The following CA4 variants were observed in gnomAD, a reference collection of about 807,000 sequenced individuals.
CA4 encodes the protein CA-IV.
A neutral mutation model predicts 34.5 loss-of-function variants in CA4; 24 were observed. The observed-to-expected ratio is 0.70, with a 90% confidence interval of 0.50 to 0.98. The LOEUF (loss-of-function observed/expected upper bound fraction) is 0.98, where lower values mean the gene tolerates loss of function less well. CA4 is among the 50% of genes least tolerant of loss of function. The probability of loss-of-function intolerance (pLI) is 0.00; values close to 1 mark genes in which losing one functional copy is unlikely to be tolerated. For synonymous variants in CA4, 178 were observed against 170.6 expected (o/e 1.04, Z -0.34); for missense variants, 394 against 396.7 (o/e 0.99, Z 0.06).
At chr17:60,167,403 T>C (rs1415698476) in intron 5 of CA4, among the ~76,000 whole-genome samples, 2 of 152,202 alleles carry the variant, frequency 1.3e-5, no homozygotes, top group Non-Finnish European at 1.5e-5. Flanking sequence ...CTCTGCTCCT[T>C]GTCTGCTCCC....
At chr17:60,169,262 A>AAAAAAAAAAAAAGC (rs1555574044) in intron 5 of CA4, among the ~76,000 whole-genome samples, 23 of 149,756 alleles carry the variant, frequency 1.5e-4, no homozygotes, top group African/African-American at 5.6e-4. Flanking sequence ...AAAAAAAAAA[A>AAAAAAAAAAAAAGC]AGCAGCAGCA....
intron 3 of CA4, 89 bp from the exon 4 acceptor site, chr17:60,157,338 C>T: frequency 1.4e-6 from 2 of 1,439,082 alleles, no homozygotes; most frequent in Non-Finnish European, 1.9e-6. Context: ...AGGCAGGAGA[C>T]AATGTCCCAT....
intron 5 of CA4, among the ~76,000 whole-genome samples, chr17:60,168,745 G>T (rs1456193973): frequency 6.6e-6 from 1 of 152,138 alleles, no homozygotes; most frequent in Non-Finnish European, 1.5e-5. Context: ...AGATCGGGTG[G>T]TCCCTCTCAG....
At chr17:60,159,632 G>A (rs57397098), downstream of CA4, 1,731 of 630,166 alleles carry the variant, frequency 2.7e-3, 31 homozygotes, top group African/African-American at 0.029. Context: ...TCCAGGGCGG[G>A]GGCTTTAAGG....
At chr17:60,154,346 G>A (rs955188344) in intron 1 of CA4, among the ~76,000 whole-genome samples, 1 of 152,052 alleles carries the variant, frequency 6.6e-6, no homozygotes, top group Non-Finnish European at 1.5e-5. Flanking sequence ...CTATGAGGTG[G>A]GTATGTTTGT....
chr17:60,155,854 C>T (rs550382182), intron 2 of CA4, among the ~76,000 whole-genome samples: 4 of 152,282 alleles, frequency 2.6e-5, no homozygotes, highest in African/African-American at 4.8e-5. Context: ...CATAATAAAA[C>T]GGGGAGTTGT....
chr17:60,162,762 G>T (rs908838212), downstream of CA4, among the ~76,000 whole-genome samples: 1 of 152,156 alleles, frequency 6.6e-6, no homozygotes, highest in African/African-American at 2.4e-5. Context: ...ATCCCATTGG[G>T]GTGGTGTTAT....
At chr17:60,151,780 C>T (rs1259059041) in intron 1 of CA4, among the ~76,000 whole-genome samples, 1 of 152,158 alleles carries the variant, frequency 6.6e-6, no homozygotes. Flanking sequence ...TGGGACCTGC[C>T]TTCCATTCAT....
intron 5 of CA4, among the ~76,000 whole-genome samples, chr17:60,168,687 G>A (rs2083883447): frequency 6.6e-6 from 1 of 152,176 alleles, no homozygotes; most frequent in Non-Finnish European, 1.5e-5. Context: ...TCCTGCCTGG[G>A]AGGCAATGCC....
chr17:60,167,662 T>C (rs2083868781), intron 5 of CA4, among the ~76,000 whole-genome samples: 1 of 152,222 alleles, frequency 6.6e-6, no homozygotes, highest in African/African-American at 2.4e-5. Context: ...TATGCCAGCT[T>C]TCCTTCAGGG....
downstream of CA4, among the ~76,000 whole-genome samples, chr17:60,173,201 G>T (rs189865790): frequency 2.0e-5 from 3 of 152,270 alleles, no homozygotes; most frequent in East Asian, 5.8e-4. Flanking sequence ...TAAATAAAAT[G>T]GATATGTATT....
At chr17:60,177,646 C>A in the CA4 span, among the ~76,000 whole-genome samples, 1 of 152,318 alleles carries the variant, frequency 6.6e-6, no homozygotes, top group East Asian at 1.9e-4. Flanking sequence ...ATAAAGTATG[C>A]ATTTTGTCTG....
intron 7 of CA4, 132 bp from the exon 8 acceptor site, chr17:60,159,098 G>A (rs2083748637): frequency 1.3e-6 from 1 of 782,360 alleles, no homozygotes; most frequent in African/African-American, 1.7e-5. Context: ...CGACCACCTT[G>A]AGAGCCAGGG....
chr17:60,158,311 C>T lies in CA4; in HGVS notation c.609C>T (p.Ser203=), dbSNP rs1224279371. Residue 203 remains serine, a synonymous_variant, in exon 7 of 8, where the codon AGC becomes AGT. Coordinates refer to ENST00000300900, the MANE Select transcript of CA4 (RefSeq NM_000717.5). Reference sequence around the variant, plus strand: ...TGAGCACTACGATGGCAGAGAGCAGCCTGTTGGACCTGCTCCCCAAGGAGG... The same window carrying T: ...TGAGCACTACGATGGCAGAGAGCAGTCTGTTGGACCTGCTCCCCAAGGAGG... The part of the protein sequence containing the change: ...PEMSTTMAES[S]LLDLLPKEEK... 1 of 1,614,040 alleles carries T rather than the reference C, an allele frequency of 6.2e-7. No homozygotes were observed. The highest frequency in any genetic ancestry group is 1.3e-5 in the African/African-American group (1 of 74,932).
Position 60,157,808 on chromosome 17 carries a change from C to G in CA4, c.513+20C>G, listed in dbSNP as rs1002320040. 1 of 1,598,412 alleles carries G rather than the reference C, an allele frequency of 6.3e-7. No homozygotes were observed. The highest frequency in any genetic ancestry group is 1.3e-5 in the African/African-American group (1 of 74,598). The stretch of plus-strand genomic sequence containing the variant: ...GTGGAGGTGGGACTCCCATCCCCCA[C>G]TTCCCGGGGAACCCGGGGCTGAGAG... On this transcript the variant is annotated intron_variant, in intron 5 of 7. Coordinates refer to ENST00000300900, the MANE Select transcript of CA4 (RefSeq NM_000717.5).
At chr17:60,168,686 G>A (rs2083883415) in intron 5 of CA4, among the ~76,000 whole-genome samples, 1 of 152,154 alleles carries the variant, frequency 6.6e-6, no homozygotes, top group Non-Finnish European at 1.5e-5. Context: ...GTCCTGCCTG[G>A]GAGGCAATGC....
downstream of CA4, among the ~76,000 whole-genome samples, chr17:60,171,618 T>C (rs571323121): frequency 1.3e-5 from 2 of 152,344 alleles, no homozygotes; most frequent in Admixed American, 6.5e-5. Flanking sequence ...CACTGTGTGC[T>C]TGGCTTTCTG....
Position 60,157,461 on chromosome 17 carries a change from TGGA to T in CA4, c.310_312del (p.Gly104del). 2 of 1,614,172 alleles carry T rather than the reference TGGA, an allele frequency of 1.2e-6. No homozygotes were observed. The highest frequency in any genetic ancestry group is 2.2e-5 in the East Asian group (1 of 44,888). On this transcript the variant is annotated inframe_deletion, in exon 4 of 8. Coordinates refer to ENST00000300900, the MANE Select transcript of CA4 (RefSeq NM_000717.5). ...TGCTGGAGAACAAGGCCAGCATTTC[TGGA>T]GGAGGACTGCCTGCCCCATACCAGG... is the stretch of plus-strand genomic sequence containing the variant.
At chr17:60,176,607 A>G in the CA4 span, among the ~76,000 whole-genome samples, 2 of 152,146 alleles carry the variant, frequency 1.3e-5, no homozygotes, top group African/African-American at 4.8e-5. Flanking sequence ...GTAGGCACCA[A>G]TCCTCAGTTT....
Sources: allele counts gnomAD v4.1 joint callset (sites outside exome capture counted in the v4.1 genomes callset), GRCh38; gene constraint gnomAD v4.1.1; transcripts MANE v1.5; gene names NCBI Gene and HGNC (gene_info 2026-07-23, HGNC 2026-07-21).